The following PDZD9 variants were observed in gnomAD, a reference collection of about 807,000 sequenced individuals.
The protein encoded by PDZD9 is PDZ domain-containing protein 9.
Under a neutral mutation model 16.3 loss-of-function variants are expected in PDZD9, and 13 were observed. The ratio of observed to expected loss-of-function variants is 0.80; its 90% CI spans 0.52 to 1.27. PDZD9 has a LOEUF of 1.27. PDZD9 is among the 50% of genes most tolerant of loss of function. The pLI, the probability that PDZD9 is intolerant of heterozygous loss-of-function variation, is 0.00. For missense variants in PDZD9, 288 were observed against 310.9 expected, an observed-to-expected ratio of 0.93 and a Z score of 0.55; for synonymous variants, 120 against 111.0, an observed-to-expected ratio of 1.08 and a Z score of -0.51.
At chr16:21,968,898 C>A in the PDZD9 span, among the ~76,000 whole-genome samples, 2 of 152,170 alleles carry the variant, frequency 1.3e-5, no homozygotes, top group African/African-American at 2.4e-5. Context: ...GCTTTAAATT[C>A]TTTACAGTAT....
downstream of PDZD9, chr16:21,980,374 G>A (rs926000797): frequency 1.4e-5 from 10 of 700,806 alleles, no homozygotes; most frequent in Non-Finnish European, 2.3e-5. Flanking sequence ...TACTGTTTTA[G>A]TATGTTCCAG....
chr16:21,985,530 C>T (rs1019000975), intron 3 of PDZD9, among the ~76,000 whole-genome samples: 1 of 152,046 alleles, frequency 6.6e-6, no homozygotes, highest in Non-Finnish European at 1.5e-5. Flanking sequence ...CCTGCTAGCA[C>T]CTCCAGGTCT....
chr16:21,968,570 T>G, the PDZD9 span: 1 of 1,476,372 alleles, frequency 6.8e-7, no homozygotes, highest in South Asian at 1.3e-5. Context: ...CTTTTATGTT[T>G]TTACAGCTTT....
At chr16:21,997,785 G>C (rs1321733578) in intron 1 of PDZD9, among the ~76,000 whole-genome samples, 1 of 152,192 alleles carries the variant, frequency 6.6e-6, no homozygotes, top group Non-Finnish European at 1.5e-5. Context: ...TCGGTACACA[G>C]GAAGCTCCTG....
intron 2 of PDZD9, among the ~76,000 whole-genome samples, chr16:21,993,537 C>T (rs929420535): frequency 1.1e-4 from 16 of 152,334 alleles, no homozygotes; most frequent in African/African-American, 3.8e-4. Context: ...CTGCTTTCTT[C>T]TTTAATCCAT....
At chr16:21,982,736 G>A (rs1046552062), downstream of PDZD9, among the ~76,000 whole-genome samples, 10 of 152,126 alleles carry the variant, frequency 6.6e-5, no homozygotes, top group Admixed American at 6.6e-5. Flanking sequence ...AGGTTAAGGT[G>A]AGTGGATCAC....
chr16:21,961,842 A>G, the PDZD9 span, among the ~76,000 whole-genome samples: 2 of 151,132 alleles, frequency 1.3e-5, no homozygotes, highest in African/African-American at 4.9e-5. Context: ...AGTAGAGACC[A>G]TGGTTTCACC....
chr16:21,961,800 C>T, the PDZD9 span, among the ~76,000 whole-genome samples: 1 of 150,700 alleles, frequency 6.6e-6, no homozygotes, highest in Non-Finnish European at 1.5e-5. Flanking sequence ...TACAGGCGTG[C>T]GCCACCATGC....
At chr16:21,958,610 T>C in the PDZD9 span, 1 of 1,608,738 alleles carries the variant, frequency 6.2e-7, no homozygotes, top group Non-Finnish European at 8.5e-7. Context: ...GTTTGTTAAA[T>C]AAGTAATAGA....
the PDZD9 span, among the ~76,000 whole-genome samples, chr16:21,961,031 A>T: frequency 1.3e-5 from 2 of 152,008 alleles, no homozygotes; most frequent in Non-Finnish European, 2.9e-5. Context: ...AGGTCTCACT[A>T]TGTTGCCCAG....
intron 2 of PDZD9, among the ~76,000 whole-genome samples, chr16:21,992,850 G>A (rs890677940): frequency 2.6e-5 from 4 of 152,140 alleles, no homozygotes; most frequent in Non-Finnish European, 5.9e-5. Flanking sequence ...CCATCCAAAT[G>A]TCATTGCCGA....
chr16:21,973,048 T>C, the PDZD9 span, among the ~76,000 whole-genome samples: 1 of 152,208 alleles, frequency 6.6e-6, no homozygotes, highest in African/African-American at 2.4e-5. Context: ...TTCAGTAAGC[T>C]GAGATCGTGC....
chr16:21,996,551 T>C, intron 1 of PDZD9, 50 bp from the exon 2 acceptor site: 1 of 1,465,784 alleles, frequency 6.8e-7, no homozygotes, highest in Non-Finnish European at 9.1e-7. Context: ...GACAGAAGCA[T>C]GGCCATACCT....
At chr16:21,968,410 T>C in the PDZD9 span, 1 of 388,908 alleles carries the variant, frequency 2.6e-6, no homozygotes, top group Non-Finnish European at 4.6e-6. Flanking sequence ...ATTCACAGAG[T>C]TGTGCAACCA....
the PDZD9 span, chr16:21,962,665 C>T: frequency 6.3e-7 from 1 of 1,597,494 alleles, no homozygotes; most frequent in Non-Finnish European, 8.6e-7. Context: ...ACCACAAGAC[C>T]TAAAGTTTCA....
chr16:21,982,678 A>G (rs1898761024), downstream of PDZD9, among the ~76,000 whole-genome samples: 1 of 152,192 alleles, frequency 6.6e-6, no homozygotes, highest in Non-Finnish European at 1.5e-5. Flanking sequence ...AGAATGTCCT[A>G]TCGAAGGCCA....
chr16:21,965,720 C>T, the PDZD9 span, among the ~76,000 whole-genome samples: 3 of 152,094 alleles, frequency 2.0e-5, no homozygotes, highest in Non-Finnish European at 4.4e-5. Flanking sequence ...GGGACATGAT[C>T]ATTACAGAAA....
chr16:21,993,603 A>G (rs888018272), intron 2 of PDZD9, among the ~76,000 whole-genome samples: 5 of 152,112 alleles, frequency 3.3e-5, no homozygotes, highest in African/African-American at 1.2e-4. Flanking sequence ...TAAAACATAA[A>G]CTGCCCTGTC....
intron 2 of PDZD9, among the ~76,000 whole-genome samples, chr16:21,994,284 T>C (rs1184048301): frequency 6.6e-6 from 1 of 152,206 alleles, no homozygotes; most frequent in African/African-American, 2.4e-5. Flanking sequence ...GACTAAGGCC[T>C]GAAAGGTTAA....
Sources: allele counts gnomAD v4.1 joint callset (sites outside exome capture counted in the v4.1 genomes callset), GRCh38; gene constraint gnomAD v4.1.1; transcripts MANE v1.5; gene names NCBI Gene and HGNC (gene_info 2026-07-23, HGNC 2026-07-21).